Variants in KCNAB1 observed in about 807,000 individuals in gnomAD.
KCNAB1 encodes the protein voltage-gated potassium channel subunit beta-1.
KCNAB1 carries 35 observed loss-of-function variants against 64.6 expected under a neutral mutation model. That is an observed-to-expected ratio of 0.54 (90% CI 0.41 to 0.72). The LOEUF (loss-of-function observed/expected upper bound fraction) is 0.72. Among genes scored for constraint, KCNAB1 ranks in the 30% least tolerant of loss-of-function variants. KCNAB1 has a pLI of 0.00. For synonymous variants in KCNAB1, 177 were observed against 183.8 expected, an observed-to-expected ratio of 0.96 and a Z score of 0.30; for missense variants, 401 against 512.9, an observed-to-expected ratio of 0.78 and a Z score of 2.11.
At chr3:156,215,590 C>T (rs1715267507) in intron 1 of KCNAB1, 1 of 152,224 alleles carries the variant, frequency 6.6e-6, no homozygotes, top group African/African-American at 2.4e-5. Context: ...CTTTCACTTC[C>T]ATCTTGAAAG....
At chr3:156,137,703 G>A (rs916821113) in intron 1 of KCNAB1, among the ~76,000 whole-genome samples, 1 of 140,692 alleles carries the variant, frequency 7.1e-6, no homozygotes, top group Admixed American at 7.8e-5. Flanking sequence ...CCGCTACCAC[G>A]TCTGGCTAAT....
intron 8 of KCNAB1, among the ~76,000 whole-genome samples, chr3:156,493,777 C>T (rs1005311117): frequency 2.6e-5 from 4 of 152,030 alleles, no homozygotes; most frequent in African/African-American, 9.7e-5. Flanking sequence ...GTAGAATGTT[C>T]TTCAGTTGGA....
chr3:156,421,687 TG>T, intron 2 of KCNAB1, 28 bp downstream of exon 2: 1 of 1,609,420 alleles, frequency 6.2e-7, no homozygotes, highest in South Asian at 1.1e-5. Flanking sequence ...GACCTGGGGG[TG>T]GGCTGGAAGG....
At chr3:156,248,671 A>G (rs1473675269) in intron 1 of KCNAB1, among the ~76,000 whole-genome samples, 1 of 152,188 alleles carries the variant, frequency 6.6e-6, no homozygotes, top group Non-Finnish European at 1.5e-5. Flanking sequence ...ATGGAGGCAA[A>G]GTAACATATC....
chr3:156,265,152 C>T (rs1355798835), intron 1 of KCNAB1, among the ~76,000 whole-genome samples: 2 of 152,142 alleles, frequency 1.3e-5, no homozygotes, highest in Non-Finnish European at 2.9e-5. Context: ...TTAATGTCTA[C>T]ATCTGGGGAC....
At chr3:156,528,740 T>C (rs1431799860) in intron 12 of KCNAB1, among the ~76,000 whole-genome samples, 1 of 152,040 alleles carries the variant, frequency 6.6e-6, no homozygotes, top group African/African-American at 2.4e-5. Flanking sequence ...AGCAAGATGC[T>C]TGGAGATGGA....
intron 2 of KCNAB1, among the ~76,000 whole-genome samples, chr3:156,429,258 A>G (rs1459360039): frequency 6.6e-6 from 1 of 152,322 alleles, no homozygotes; most frequent in East Asian, 1.9e-4. Flanking sequence ...TAGTGTACCC[A>G]GTGCCAGCAG....
chr3:156,320,033 C>T (rs2108023297), intron 1 of KCNAB1, among the ~76,000 whole-genome samples: 1 of 152,284 alleles, frequency 6.6e-6, no homozygotes, highest in African/African-American at 2.4e-5. Context: ...AGCAGGGCTA[C>T]ATCCATCCTG....
chr3:156,199,026 C>A (rs1370244750), intron 1 of KCNAB1, among the ~76,000 whole-genome samples: 2 of 144,372 alleles, frequency 1.4e-5, no homozygotes. Flanking sequence ...GTGGCAATAT[C>A]CCTCAGCATT....
intron 8 of KCNAB1, among the ~76,000 whole-genome samples, chr3:156,507,633 A>G (rs2108378996): frequency 6.6e-6 from 1 of 152,342 alleles, no homozygotes; most frequent in African/African-American, 2.4e-5. Flanking sequence ...GTTATAAACC[A>G]CCACCACCAC....
chr3:156,132,695 G>A (rs999100362), intron 1 of KCNAB1, among the ~76,000 whole-genome samples: 1 of 152,204 alleles, frequency 6.6e-6, no homozygotes, highest in Non-Finnish European at 1.5e-5. Flanking sequence ...TAGATAAGGT[G>A]TGTGTTTTTA....
At chr3:156,213,054 C>T (rs1715109932) in intron 1 of KCNAB1, among the ~76,000 whole-genome samples, 1 of 152,012 alleles carries the variant, frequency 6.6e-6, no homozygotes, top group African/African-American at 2.4e-5. Flanking sequence ...GAGATCTGGG[C>T]CAGATGGAAC....
chr3:156,354,531 A>G (rs1229846831), intron 1 of KCNAB1, among the ~76,000 whole-genome samples: 4 of 151,930 alleles, frequency 2.6e-5, no homozygotes, highest in Admixed American at 1.3e-4. Context: ...AACATCAATT[A>G]CCCTTTCTTT....
chr3:156,418,957 A>C (rs1715279680), intron 1 of KCNAB1, among the ~76,000 whole-genome samples: 1 of 152,192 alleles, frequency 6.6e-6, no homozygotes, highest in Non-Finnish European at 1.5e-5. Context: ...AAATCTTGTA[A>C]GGCTTTCATT....
intron 1 of KCNAB1, among the ~76,000 whole-genome samples, chr3:156,374,466 T>C (rs1178539515): frequency 1.1e-5 from 1 of 89,680 alleles, no homozygotes; most frequent in Non-Finnish European, 2.2e-5. Flanking sequence ...CATGGGAGTT[T>C]GCACATACAA....
chr3:156,244,211 T>C (rs1717327975), intron 1 of KCNAB1, among the ~76,000 whole-genome samples: 1 of 152,206 alleles, frequency 6.6e-6, no homozygotes, highest in Non-Finnish European at 1.5e-5. Context: ...AGAAATCCAC[T>C]TCCTTACTTT....
chr3:156,224,110 C>T (rs903213855), intron 1 of KCNAB1, among the ~76,000 whole-genome samples: 17 of 152,208 alleles, frequency 1.1e-4, no homozygotes, highest in Non-Finnish European at 1.5e-4. Flanking sequence ...AGCTCAGTGC[C>T]GGTGGGCCAG....
In KCNAB1 at chr3:156,313,644, C is replaced by T. The variant is rs145626594; in HGVS notation, c.276-107972C>T. On this transcript the variant is annotated intron_variant, in intron 1 of 13. Coordinates refer to ENST00000490337, the MANE Select transcript of KCNAB1 (RefSeq NM_172160.3). ...GAAATGGATTCTTTCCTAAAACCTC[C>T]GGGAGGAATCAACCCCGTCTGCATC... 1.5e-3 allele frequency among the ~76,000 whole-genome samples: 230 copies of T among 152,248 alleles called. 3 individuals carry two copies. Among genetic ancestry groups the T allele is most frequent in the East Asian group, 7.9e-3 (41 of 5,192 alleles).
chr3:156,284,110 G>T (rs1412020977), intron 1 of KCNAB1, among the ~76,000 whole-genome samples: 3 of 152,090 alleles, frequency 2.0e-5, no homozygotes, highest in Admixed American at 6.5e-5. Flanking sequence ...ATCTACTTTT[G>T]GTCTTTGATG....
Sources: gnomAD v4.1 joint callset for allele counts (sites outside exome capture counted in the v4.1 genomes callset) on GRCh38, gnomAD v4.1.1 for gene constraint, MANE v1.5 for transcripts, NCBI Gene and HGNC (gene_info 2026-07-23, HGNC 2026-07-21) for gene names.